PLCB1: variants seen among roughly 807,000 people sequenced by gnomAD.
PLCB1 encodes the protein 1-phosphatidylinositol 4,5-bisphosphate phosphodiesterase beta-1.
PLCB1 carries 46 observed loss-of-function variants against 161.8 expected under a neutral mutation model. The observed-to-expected ratio is 0.28, with a 90% confidence interval of 0.22 to 0.36. PLCB1 has a LOEUF of 0.36. PLCB1 is among the 10% of genes least tolerant of loss of function. The pLI, the probability that PLCB1 is intolerant of heterozygous loss-of-function variation, is 1.00. For missense variants in PLCB1, 1,016 were observed against 1,472.5 expected, an observed-to-expected ratio of 0.69 and a Z score of 5.07; for synonymous variants, 517 against 503.7, an observed-to-expected ratio of 1.03 and a Z score of -0.35.
chr20:8,453,498 T>C (rs564983819), intron 3 of PLCB1, among the ~76,000 whole-genome samples: 1 of 152,358 alleles, frequency 6.6e-6, no homozygotes, highest in African/African-American at 2.4e-5. Flanking sequence ...ATTCAATGAA[T>C]GTGGACTGAA....
At chr20:8,442,156 AAT>A (rs1980589072) in intron 3 of PLCB1, among the ~76,000 whole-genome samples, 1 of 152,166 alleles carries the variant, frequency 6.6e-6, no homozygotes, top group Admixed American at 6.5e-5. Flanking sequence ...TTCTAGAAAA[AAT>A]ATGTCTTAAA....
intron 2 of PLCB1, among the ~76,000 whole-genome samples, chr20:8,349,059 T>TACAC (rs1347948105): frequency 2.4e-4 from 36 of 152,232 alleles, no homozygotes; most frequent in Middle Eastern, 3.4e-3. Flanking sequence ...TATACATATC[T>TACAC]ACATATACAC....
intron 3 of PLCB1, among the ~76,000 whole-genome samples, chr20:8,563,534 T>C (rs1236967846): frequency 6.6e-6 from 1 of 152,002 alleles, no homozygotes; most frequent in Admixed American, 6.6e-5. Flanking sequence ...AGCTAGAAAG[T>C]AGGTCTGAAA....
intron 2 of PLCB1, among the ~76,000 whole-genome samples, chr20:8,240,120 G>A (rs1356478087): frequency 1.3e-5 from 2 of 151,546 alleles, no homozygotes; most frequent in Admixed American, 6.6e-5. Context: ...AAAACGAATT[G>A]TAATTACAAC....
At chr20:8,403,645 A>G (rs552579269) in intron 3 of PLCB1, among the ~76,000 whole-genome samples, 1 of 152,252 alleles carries the variant, frequency 6.6e-6, no homozygotes, top group South Asian at 2.1e-4. Flanking sequence ...CTGTAGTCCC[A>G]GCTACTTGGA....
intron 3 of PLCB1, among the ~76,000 whole-genome samples, chr20:8,443,461 C>T (rs1362778045): frequency 2.6e-5 from 4 of 152,110 alleles, no homozygotes; most frequent in Non-Finnish European, 4.4e-5. Flanking sequence ...TAACTTTTAC[C>T]AGTGTGGAAA....
intron 31 of PLCB1, among the ~76,000 whole-genome samples, chr20:8,860,460 GTTA>G (rs1568628088): frequency 6.6e-6 from 1 of 152,158 alleles, no homozygotes; most frequent in Non-Finnish European, 1.5e-5. Context: ...ACTAGCTCGT[GTTA>G]TTATTTAACT....
At chr20:8,242,926 A>G (rs1478073458) in intron 2 of PLCB1, among the ~76,000 whole-genome samples, 3 of 151,968 alleles carry the variant, frequency 2.0e-5, no homozygotes, top group Non-Finnish European at 4.4e-5. Flanking sequence ...AGTGAATTGG[A>G]TAAGATATGA....
intron 2 of PLCB1, among the ~76,000 whole-genome samples, chr20:8,289,076 C>G (rs1387123283): frequency 6.6e-6 from 1 of 152,150 alleles, no homozygotes; most frequent in African/African-American, 2.4e-5. Flanking sequence ...TGGATGCTAT[C>G]AGTGTCCCAT....
At position 8,701,508 on chromosome 20, in the gene PLCB1, C is replaced by T. The variant is rs372423734; in HGVS notation, c.1167+3725C>T. 6.2e-4 allele frequency among the ~76,000 whole-genome samples: 94 copies of T among 152,312 alleles called. 1 individual carries two copies. The East Asian group carries it at 0.017, about 27-fold the overall frequency. On this transcript the variant is annotated intron_variant, in intron 11 of 31. Coordinates refer to ENST00000338037, the MANE Select transcript of PLCB1 (RefSeq NM_015192.4). ...CCACTCCCAATCCCCACACTACTGA[C>T]GTAACCCCTGACACCCCCACTTTTT...
intron 27 of PLCB1, among the ~76,000 whole-genome samples, chr20:8,775,073 CTTTTTTTTTTTTT>C (rs71184112): frequency 8.1e-6 from 1 of 123,940 alleles, no homozygotes; most frequent in South Asian, 2.6e-4. Flanking sequence ...CAAATTTTCC[CTTTTTTTTTTTTT>C]TTTTTTTTTT....
At chr20:8,501,541 G>T (rs1372397474) in intron 3 of PLCB1, among the ~76,000 whole-genome samples, 1 of 152,192 alleles carries the variant, frequency 6.6e-6, no homozygotes. Flanking sequence ...CTCTAGAGAA[G>T]CTTCTTCCAG....
At chr20:8,824,185 A>G (rs1317831553) in intron 31 of PLCB1, among the ~76,000 whole-genome samples, 1 of 152,172 alleles carries the variant, frequency 6.6e-6, no homozygotes, top group Non-Finnish European at 1.5e-5. Context: ...TTGGGCCTGT[A>G]AGTAGGACAC....
chr20:8,146,236 G>A (rs573275532), intron 1 of PLCB1, among the ~76,000 whole-genome samples: 1 of 152,292 alleles, frequency 6.6e-6, no homozygotes, highest in East Asian at 1.9e-4. Flanking sequence ...CCCTTGCAGG[G>A]CAATAATGGA....
intron 2 of PLCB1, among the ~76,000 whole-genome samples, chr20:8,324,430 C>T (rs1184708993): frequency 6.6e-6 from 1 of 152,152 alleles, no homozygotes; most frequent in African/African-American, 2.4e-5. Context: ...GTAGGTGGAT[C>T]ATATTAGGCA....
At position 8,132,861 on chromosome 20, in the gene PLCB1, C is replaced by A; in HGVS notation, c.99+111C>A. 1.4e-6 allele frequency: 1 copy of A among 734,368 alleles called. No individual in the cohort carries two copies. Among genetic ancestry groups the A allele is most frequent in the Non-Finnish European group, 2.3e-6 (1 of 427,132 alleles). The allele number at this position is 734,368 out of a possible 1,614,324, so 45.5% of individuals were successfully genotyped here. A position where few individuals can be genotyped will look rare whatever the true frequency, so the allele number is the denominator to read the frequency against. ...ATGCAATGGGCGCACTGGGAGCGGG[C>A]AGGGGCAGCCTCGGGCGCACAGGTT... is the stretch of plus-strand genomic sequence containing the variant. On this transcript the variant is annotated intron_variant, in intron 1 of 31. Coordinates refer to ENST00000338037, the MANE Select transcript of PLCB1 (RefSeq NM_015192.4). This position sits in a 1 kb window ranked among gnomAD's most constrained non-coding sequence, Gnocchi z 5.2.
chr20:8,326,330 A>G (rs1321097813), intron 2 of PLCB1, among the ~76,000 whole-genome samples: 1 of 152,134 alleles, frequency 6.6e-6, no homozygotes, highest in Non-Finnish European at 1.5e-5. Context: ...TTAGCTTGTG[A>G]GTGTTCACCC....
intron 2 of PLCB1, among the ~76,000 whole-genome samples, chr20:8,262,316 C>G (rs1281539520): frequency 6.6e-6 from 1 of 152,006 alleles, no homozygotes; most frequent in Non-Finnish European, 1.5e-5. Context: ...GTCTCGAACT[C>G]CTGACCTCAG....
At chr20:8,647,825 G>C in intron 5 of PLCB1, 75 bp from the exon 6 acceptor site, 1 of 1,127,690 alleles carries the variant, frequency 8.9e-7, no homozygotes, top group Non-Finnish European at 1.3e-6. Context: ...GGGCTTTTTT[G>C]AGTGTATTTT....
Sources: allele counts gnomAD v4.1 joint callset (sites outside exome capture counted in the v4.1 genomes callset), GRCh38; gene constraint gnomAD v4.1.1; non-coding constraint Gnocchi (gnomAD v3.1); transcripts MANE v1.5; gene names NCBI Gene and HGNC (gene_info 2026-07-23, HGNC 2026-07-21).